Variants in CREBBP observed in about 807,000 individuals in gnomAD.
CREBBP encodes the protein CREB binding lysine acetyltransferase, also known as CREB-binding protein.
CREBBP carries 19 observed loss-of-function variants against 265.0 expected under a neutral mutation model. The observed-to-expected ratio is 0.07, with a 90% confidence interval of 0.05 to 0.11. The LOEUF (loss-of-function observed/expected upper bound fraction) is 0.11. Ranked by LOEUF, CREBBP falls within the 10% of genes least tolerant of loss-of-function variation. The pLI is 1.00. For missense variants in CREBBP, 2,525 were observed against 3,219.0 expected (o/e 0.78, Z 5.22); for synonymous variants, 1,457 against 1,223.7 (o/e 1.19, Z -3.98).
chr16:3,828,170 G>A (rs531194060), intron 2 of CREBBP, among the ~76,000 whole-genome samples: 5 of 151,632 alleles, frequency 3.3e-5, no homozygotes, highest in African/African-American at 9.7e-5. Flanking sequence ...TCGGCTCACC[G>A]CAACCTCTGC....
At chr16:3,749,855 G>A (rs757547594) in intron 20 of CREBBP, among the ~76,000 whole-genome samples, 172 bp from the exon 21 acceptor site, 7 of 152,072 alleles carry the variant, frequency 4.6e-5, no homozygotes, top group Non-Finnish European at 8.8e-5. Context: ...ATTTAATTTC[G>A]TAGAACACTA....
intron 3 of CREBBP, among the ~76,000 whole-genome samples, chr16:3,808,168 CG>C (rs926878499): frequency 9.7e-5 from 7 of 71,910 alleles, no homozygotes; most frequent in African/African-American, 3.9e-4. Flanking sequence ...GGGGGGGCAG[CG>C]GGGGAGAGAG....
intron 1 of CREBBP, among the ~76,000 whole-genome samples, chr16:3,855,273 T>C (rs1320623993): frequency 6.6e-6 from 1 of 152,190 alleles, no homozygotes; most frequent in Non-Finnish European, 1.5e-5. Context: ...TTTATTCTTA[T>C]TTGTTTATTA....
Position 3,728,957 on chromosome 16 carries a change from C to T in CREBBP, c.6090G>A (p.Gln2030=), listed in dbSNP as rs374969185. ...CAGGCCTGGGCAAGCCTGGCATGGG[C>T]TGCTGCTGGGGAAGGGGCGCCTGCT... ...QWQQAPLPQQ[Q]PMPGLPRPVI... is the part of the protein sequence containing the mutation. The change falls in exon 31 of 31, where the codon CAG becomes CAA. Residue 2030 remains glutamine, a synonymous_variant. Coordinates refer to ENST00000262367, the MANE Select transcript of CREBBP (RefSeq NM_004380.3). This position sits in a 1 kb window ranked among gnomAD's most constrained non-coding sequence, Gnocchi z 8.7. 1.2e-4 allele frequency: 198 copies of T among 1,598,442 alleles called. 1 individual carries two copies. The highest frequency in any genetic ancestry group is 6.6e-4 in the Middle Eastern group (4 of 6,056).
chr16:3,791,266 G>A (rs1674078026), intron 5 of CREBBP: 1 of 152,798 alleles, frequency 6.5e-6, no homozygotes, highest in South Asian at 2.1e-4. Flanking sequence ...GCCTACAAAT[G>A]GCAGGGAGCC....
Position 3,757,281 on chromosome 16 carries a change from C to A in CREBBP, c.3698+7G>T. The stretch of plus-strand genomic sequence containing the variant: ...AGACATAATGCAGGATGCTGCTTGA[C>A]GCTTACCTATTCTGATAGCTGTAGT... On this transcript the variant is annotated splice_region_variant and intron_variant, in intron 19 of 30. Transcript: ENST00000262367. The A allele has an allele frequency of 4.4e-6, 7 of 1,606,604 alleles. No individual in the cohort carries two copies. The highest frequency in any genetic ancestry group is 4.3e-6 in the Non-Finnish European group (5 of 1,174,776).
At chr16:3,760,141 G>A (rs1202187553) in intron 16 of CREBBP, among the ~76,000 whole-genome samples, 1 of 151,902 alleles carries the variant, frequency 6.6e-6, no homozygotes, top group Non-Finnish European at 1.5e-5. Context: ...GCCCAGGTTG[G>A]GGGACAATGG....
chr16:3,732,145 T>C (rs2051935068), intron 28 of CREBBP, among the ~76,000 whole-genome samples: 1 of 152,122 alleles, frequency 6.6e-6, no homozygotes, highest in Non-Finnish European at 1.5e-5. Context: ...CTGGTGTCAT[T>C]ATCAGCTTTA....
chr16:3,798,998 C>T (rs1462677664), intron 3 of CREBBP, among the ~76,000 whole-genome samples: 1 of 152,074 alleles, frequency 6.6e-6, no homozygotes, highest in Non-Finnish European at 1.5e-5. Flanking sequence ...ATTATTCAAC[C>T]GTAAAAAGGG....
rs1233544107 is a variant in CREBBP at position 3,728,357 on chromosome 16, C to G, written c.6690G>C (p.Gln2230His). ...CTCCGGGTCCTTGAGGCTGCTGGAA[C>G]TGGCCGTGCCCCGCCATGCCCCCAG... ...GMAGGMAGHG[Q>H]FQQPQGPGGY... The change falls in exon 31 of 31, where the codon CAG (glutamine) becomes CAC (histidine). Residue 2230 changes from glutamine (Q) to histidine (H), a missense_variant. Physicochemically the swap from Gln to His is conservative, Grantham distance 24 (BLOSUM62 0). This residue lies in a region of CREBBP where 473 missense variants were observed against 459.3 expected (regional missense o/e 1.03). Transcript: ENST00000262367. This position sits in a 1 kb window ranked among gnomAD's most constrained non-coding sequence, Gnocchi z 8.7. 1.9e-6 allele frequency: 3 copies of G among 1,609,410 alleles called. No individual in the cohort carries two copies. The highest frequency in any genetic ancestry group is 1.3e-5 in the African/African-American group (1 of 74,816).
rs761782301 is a variant in CREBBP at position 3,736,171 on chromosome 16, G to A, written c.4593C>T (p.Leu1531=). The change falls in exon 28 of 31, where the codon CTC becomes CTT. Residue 1531 remains leucine (L), a synonymous_variant. Transcript: ENST00000262367. ...AATAGGGCAGTTCCTTGGCACTGGT[G>A]AGCCTGTCTTCAGTTGCTTGTTTGA... ...DIFKQATEDR[L]TSAKELPYFE... 2 of 1,614,238 alleles carry A rather than the reference G, an allele frequency of 1.2e-6. No homozygotes were observed. Among genetic ancestry groups the A allele is most frequent in the Non-Finnish European group, 1.7e-6 (2 of 1,180,044 alleles).
At chr16:3,876,809 A>C (rs565763786) in intron 1 of CREBBP, among the ~76,000 whole-genome samples, 1 of 152,304 alleles carries the variant, frequency 6.6e-6, no homozygotes, top group African/African-American at 2.4e-5. Context: ...TCATCTCTGC[A>C]TAAGCTTCCC....
At chr16:3,861,579 G>C (rs558161614) in intron 1 of CREBBP, among the ~76,000 whole-genome samples, 3 of 135,624 alleles carry the variant, frequency 2.2e-5, no homozygotes, top group African/African-American at 5.5e-5. Context: ...AATTCTAGTA[G>C]AATTAAAGGT....
Position 3,815,745 on chromosome 16 carries a change from A to T in CREBBP, c.799-4966T>A, listed in dbSNP as rs375360912. 2.6e-5 allele frequency among the ~76,000 whole-genome samples: 4 copies of T among 152,016 alleles called. No individual in the cohort carries two copies. The South Asian group carries it at 8.3e-4, about 32-fold the overall frequency. On this transcript the variant is annotated intron_variant, in intron 2 of 30. Coordinates refer to ENST00000262367, the MANE Select transcript of CREBBP (RefSeq NM_004380.3). ...CAGGCATGCACTGTGTAATAATCAC[A>T]CCCAGGTTAAATGGGGTGTCCGTCA...
At chr16:3,760,588 G>A (rs1040251205) in intron 16 of CREBBP, among the ~76,000 whole-genome samples, 1 of 151,490 alleles carries the variant, frequency 6.6e-6, no homozygotes, top group African/African-American at 2.4e-5. Flanking sequence ...ATTTTTAGTA[G>A]AAGATGGGTT....
chr16:3,849,442 T>TG (rs1567360480), intron 2 of CREBBP, among the ~76,000 whole-genome samples: 279 of 18,678 alleles, frequency 0.015, 20 homozygotes, highest in Non-Finnish European at 0.038. Context: ...TGTGTGTGTG[T>TG]GTGTGTGTGT....
At chr16:3,816,195 C>T (rs2054033554) in intron 2 of CREBBP, among the ~76,000 whole-genome samples, 1 of 152,130 alleles carries the variant, frequency 6.6e-6, no homozygotes, top group Non-Finnish European at 1.5e-5. Context: ...CTAAATTAAA[C>T]AATGCCTCAC....
chr16:3,728,207 C>A lies in CREBBP; in HGVS notation c.6840G>T (p.Gly2280=), dbSNP rs2151301078. ...QLGQMGQPGL[G]ADSTPNIQQA... Reference sequence around the variant, plus strand: ...GCTGGATGTTGGGGGTGCTGTCTGCCCCCAGCCCCGGCTGCCCCATCTGGC... The same window carrying A: ...GCTGGATGTTGGGGGTGCTGTCTGCACCCAGCCCCGGCTGCCCCATCTGGC... Residue 2280 remains glycine, a synonymous_variant, in exon 31 of 31, where the codon GGG becomes GGT. Coordinates refer to ENST00000262367, the MANE Select transcript of CREBBP (RefSeq NM_004380.3). This position sits in a 1 kb window ranked among gnomAD's most constrained non-coding sequence, Gnocchi z 8.7. The A allele has an allele frequency of 6.2e-7, 1 of 1,613,790 alleles. No individual in the cohort carries two copies. Among genetic ancestry groups the A allele is most frequent in the Non-Finnish European group, 8.5e-7 (1 of 1,179,984 alleles).
At chr16:3,776,304 C>T (rs2053137158) in intron 11 of CREBBP, among the ~76,000 whole-genome samples, 1 of 152,146 alleles carries the variant, frequency 6.6e-6, no homozygotes, top group South Asian at 2.1e-4. Flanking sequence ...CCTTGTTTCA[C>T]AACCTGGAAA....
Sources: allele counts gnomAD v4.1 joint callset (sites outside exome capture counted in the v4.1 genomes callset), GRCh38; gene constraint gnomAD v4.1.1; regional missense constraint gnomAD v4.1.1; non-coding constraint Gnocchi (gnomAD v3.1); transcripts MANE v1.5; gene names NCBI Gene and HGNC (gene_info 2026-07-23, HGNC 2026-07-21).